NRG3: variants seen among roughly 807,000 people sequenced by gnomAD.
NRG3 encodes pro-neuregulin-3, membrane-bound isoform.
A neutral mutation model predicts 66.9 loss-of-function variants in NRG3; 31 were observed. The ratio of observed to expected loss-of-function variants is 0.46; its 90% CI spans 0.35 to 0.63. The LOEUF (loss-of-function observed/expected upper bound fraction) is 0.63. Among genes scored for constraint, NRG3 ranks in the 20% least tolerant of loss-of-function variants. NRG3 has a pLI of 0.00. For synonymous variants in NRG3, 393 were observed against 359.4 expected (o/e 1.09, Z -1.06); for missense variants, 910 against 878.9 (o/e 1.04, Z -0.45).
At chr10:82,715,447 G>A (rs2056915993) in intron 2 of NRG3, among the ~76,000 whole-genome samples, 1 of 152,064 alleles carries the variant, frequency 6.6e-6, no homozygotes, top group African/African-American at 2.4e-5. Context: ...CTCCTCTGCT[G>A]GAGTCCTACA....
intron 2 of NRG3, among the ~76,000 whole-genome samples, chr10:82,544,501 G>A (rs1475558993): frequency 1.3e-5 from 2 of 152,148 alleles, no homozygotes; most frequent in Non-Finnish European, 2.9e-5. Flanking sequence ...TTTAGCCAAT[G>A]GGATATTAAC....
At chr10:82,666,890 C>A (rs927180373) in intron 2 of NRG3, among the ~76,000 whole-genome samples, 1 of 152,212 alleles carries the variant, frequency 6.6e-6, no homozygotes, top group Non-Finnish European at 1.5e-5. Context: ...TGTGAGATGA[C>A]TTTAATAAAT....
intron 4 of NRG3, among the ~76,000 whole-genome samples, chr10:82,912,569 C>T (rs1845422520): frequency 1.3e-5 from 2 of 152,082 alleles, no homozygotes; most frequent in South Asian, 4.1e-4. Flanking sequence ...TTCCTAAAGA[C>T]AATATATACT....
intron 8 of NRG3, among the ~76,000 whole-genome samples, chr10:82,983,108 A>T (rs1853092969): frequency 6.6e-6 from 1 of 152,186 alleles, no homozygotes; most frequent in South Asian, 2.1e-4. Flanking sequence ...TCACCATCAC[A>T]TATCAACTTA....
At chr10:82,971,387 T>C (rs1317171356) in intron 6 of NRG3, among the ~76,000 whole-genome samples, 1 of 152,056 alleles carries the variant, frequency 6.6e-6, no homozygotes. Context: ...AATTAAGTTA[T>C]GACAATGTTA....
intron 6 of NRG3, among the ~76,000 whole-genome samples, chr10:82,972,010 G>A (rs1191729461): frequency 1.3e-5 from 2 of 152,022 alleles, no homozygotes; most frequent in Non-Finnish European, 2.9e-5. Flanking sequence ...CAGATATTCA[G>A]TGTATGAATC....
At chr10:82,648,280 G>A (rs1261686524) in intron 2 of NRG3, among the ~76,000 whole-genome samples, 1 of 151,946 alleles carries the variant, frequency 6.6e-6, no homozygotes, top group Non-Finnish European at 1.5e-5. Context: ...CCCATTGCTT[G>A]TTTTTGTCAG....
intron 2 of NRG3, among the ~76,000 whole-genome samples, chr10:82,393,578 C>T (rs1229405618): frequency 6.6e-6 from 1 of 152,162 alleles, no homozygotes; most frequent in South Asian, 2.1e-4. Flanking sequence ...GTGTTTGAAC[C>T]CATCTTCATT....
At chr10:82,135,792 C>G (rs775601400) in intron 1 of NRG3, among the ~76,000 whole-genome samples, 1 of 152,028 alleles carries the variant, frequency 6.6e-6, no homozygotes, top group Non-Finnish European at 1.5e-5. Context: ...ATTTTGAATT[C>G]TCTGTCTGAA....
chr10:82,489,159 A>G (rs1161334827), intron 2 of NRG3, among the ~76,000 whole-genome samples: 1 of 152,202 alleles, frequency 6.6e-6, no homozygotes, highest in Non-Finnish European at 1.5e-5. Flanking sequence ...TTCACCAACT[A>G]GTGTGATTAA....
chr10:81,897,666 T>A (rs1348018114), intron 1 of NRG3, among the ~76,000 whole-genome samples: 1 of 152,126 alleles, frequency 6.6e-6, no homozygotes, highest in Non-Finnish European at 1.5e-5. Context: ...CCATGCTTGT[T>A]AGGTGTGCAA....
At chr10:81,921,479 T>G (rs1846248888) in intron 1 of NRG3, among the ~76,000 whole-genome samples, 1 of 152,100 alleles carries the variant, frequency 6.6e-6, no homozygotes, top group African/African-American at 2.4e-5. Flanking sequence ...CTCTTAGTCT[T>G]TTCTTTTATG....
At position 81,875,619 on chromosome 10, in the gene NRG3, C is replaced by T; in HGVS notation, c.279C>T (p.Ser93=). The T allele has an allele frequency of 3.7e-6, 6 of 1,613,652 alleles. No individual in the cohort carries two copies. The highest frequency in any genetic ancestry group is 5.1e-6 in the Non-Finnish European group (6 of 1,179,932). Residue 93 remains serine (S), a synonymous_variant, in exon 1 of 9, where the codon TCC becomes TCT. Coordinates refer to ENST00000372141, the MANE Select transcript of NRG3 (RefSeq NM_001010848.4). The surrounding 1 kb of genome is among the most constrained non-coding windows in gnomAD (Gnocchi z 5.3). The part of the protein sequence containing the change: ...LMLLKWIVVG[S]VKEYVPTDLV... ...TTCTCAAATGGATCGTGGTGGGCTC[C>T]GTCAAGGAGTACGTGCCCACCGACC...
intron 2 of NRG3, among the ~76,000 whole-genome samples, chr10:82,584,930 G>A (rs2046573773): frequency 6.6e-6 from 1 of 151,024 alleles, no homozygotes; most frequent in Admixed American, 6.6e-5. Flanking sequence ...TTTAAATGAG[G>A]GATCAAGATT....
At chr10:82,075,649 A>G (rs2065048475) in intron 1 of NRG3, among the ~76,000 whole-genome samples, 1 of 152,092 alleles carries the variant, frequency 6.6e-6, no homozygotes, top group Non-Finnish European at 1.5e-5. Context: ...CCTTATAGCT[A>G]GATGTATGGA....
intron 4 of NRG3, among the ~76,000 whole-genome samples, chr10:82,923,248 T>C (rs1463963324): frequency 6.6e-6 from 1 of 152,240 alleles, no homozygotes; most frequent in Non-Finnish European, 1.5e-5. Flanking sequence ...CTGTTTGCTG[T>C]GTCTGAAACA....
intron 2 of NRG3, among the ~76,000 whole-genome samples, chr10:82,455,920 A>G (rs2091247544): frequency 6.6e-6 from 1 of 152,010 alleles, no homozygotes; most frequent in Non-Finnish European, 1.5e-5. Flanking sequence ...ACCTGGCTAG[A>G]TTACACTAAA....
intron 2 of NRG3, among the ~76,000 whole-genome samples, chr10:82,539,196 A>G (rs2043361488): frequency 6.6e-6 from 1 of 152,332 alleles, no homozygotes; most frequent in South Asian, 2.1e-4. Context: ...TTCCACAGAC[A>G]GGAAACACTC....
intron 1 of NRG3, among the ~76,000 whole-genome samples, chr10:82,009,394 C>T (rs2061492024): frequency 6.6e-6 from 1 of 152,050 alleles, no homozygotes; most frequent in South Asian, 2.1e-4. Flanking sequence ...TTGCAGTGTT[C>T]TTGGGGTCCT....
Sources: allele counts gnomAD v4.1 joint callset (sites outside exome capture counted in the v4.1 genomes callset), GRCh38; gene constraint gnomAD v4.1.1; non-coding constraint Gnocchi (gnomAD v3.1); transcripts MANE v1.5; gene names NCBI Gene and HGNC (gene_info 2026-07-23, HGNC 2026-07-21).